BCAP29: variants seen among roughly 807,000 people sequenced by gnomAD.
The protein encoded by BCAP29 is B cell receptor associated protein 29, also known as B-cell receptor-associated protein 29.
BCAP29 carries 34 observed loss-of-function variants against 31.8 expected under a neutral mutation model. The observed-to-expected ratio is 1.07, with a 90% CI of 0.81 to 1.42. The LOEUF is 1.42. BCAP29 is among the 40% of genes most tolerant of loss of function. The pLI is 0.00. For synonymous variants in BCAP29, 104 were observed against 91.3 expected (o/e 1.14, Z -0.79); for missense variants, 314 against 269.2 (o/e 1.17, Z -1.16).
Position 107,613,397 on chromosome 7 carries a change from T to C in BCAP29, c.655T>C (p.Tyr219His). 1.2e-6 allele frequency: 2 copies of C among 1,612,810 alleles called. No individual in the cohort carries two copies. Among genetic ancestry groups the C allele is most frequent in the Non-Finnish European group, 1.7e-6 (2 of 1,178,930 alleles). Residue 219 changes from tyrosine to histidine, a missense_variant, in exon 7 of 8, where the codon TAT becomes CAT. Tyr to His is a moderately conservative substitution (Grantham distance 83). Transcript: ENST00000005259. ...KMQSERLSKE[Y>H]DQLLKEHSEL... The stretch of plus-strand genomic sequence containing the variant: ...GCAGTCAGAGAGACTTTCGAAAGAA[T>C]ATGATCAACTCCTGAAAGAACACTC...
intron 3 of BCAP29, among the ~76,000 whole-genome samples, chr7:107,585,008 A>C (rs1807376977): frequency 6.6e-6 from 1 of 152,192 alleles, no homozygotes; most frequent in Admixed American, 6.5e-5. Context: ...GTTCTTGTCA[A>C]ACCAGAAGTT....
chr7:107,602,464 G>A (rs2894466), intron 6 of BCAP29, among the ~76,000 whole-genome samples: 115,909 of 151,950 alleles, frequency 0.76, 44,792 homozygotes, highest in African/African-American at 0.9. Flanking sequence ...ACTCAAAAAT[G>A]TTCATTGATT....
At chr7:107,600,209 T>G in intron 5 of BCAP29, 188 bp from the exon 6 acceptor site, 1 of 621,506 alleles carries the variant, frequency 1.6e-6, no homozygotes, top group Non-Finnish European at 2.9e-6. Context: ...GAAATCTTTT[T>G]TGTGTGTTTC....
chr7:107,580,752 C>T lies in BCAP29; in HGVS notation c.-14-7C>T, dbSNP rs368903509. ...AAGCAAGAGAAAATAAGTGTTTTTC[C>T]ATTTAGGTGTGAAGAAAAAAATGAC... On this transcript the variant is annotated splice_region_variant and splice_polypyrimidine_tract_variant and intron_variant, in intron 1 of 7. Coordinates refer to ENST00000005259, the MANE Select transcript of BCAP29 (RefSeq NM_018844.4). 2 of 1,567,030 alleles carry T rather than the reference C, an allele frequency of 1.3e-6. No individual in the cohort carries two copies. Among genetic ancestry groups the T allele is most frequent in the African/African-American group, 2.8e-5 (2 of 72,368 alleles).
chr7:107,600,192 A>G (rs892180408), intron 5 of BCAP29: 3 of 592,330 alleles, frequency 5.1e-6, no homozygotes, highest in Admixed American at 2.6e-5. Context: ...AGATTTTGCC[A>G]TAATAGGAAA....
intron 6 of BCAP29, among the ~76,000 whole-genome samples, chr7:107,610,770 C>T (rs933673826): frequency 6.6e-6 from 1 of 152,124 alleles, no homozygotes; most frequent in Non-Finnish European, 1.5e-5. Context: ...AAGTGGTTTT[C>T]TAGCTTCTTT....
downstream of BCAP29, chr7:107,620,543 T>C (rs1814864825): frequency 6.6e-6 from 1 of 152,236 alleles, no homozygotes; most frequent in South Asian, 2.1e-4. Flanking sequence ...TGTCTTAGGC[T>C]GTATTATAAA....
chr7:107,581,743 A>G (rs1249273699), intron 2 of BCAP29, among the ~76,000 whole-genome samples: 1 of 152,158 alleles, frequency 6.6e-6, no homozygotes, highest in Admixed American at 6.5e-5. Flanking sequence ...CAGGGTCCAG[A>G]TAGTCTTTCA....
At chr7:107,598,428 A>G (rs901278113) in intron 5 of BCAP29, among the ~76,000 whole-genome samples, 4 of 152,154 alleles carry the variant, frequency 2.6e-5, no homozygotes, top group African/African-American at 9.7e-5. Context: ...ATTATATAAT[A>G]TATGCATTAG....
At chr7:107,605,274 C>T (rs773066846) in intron 6 of BCAP29, among the ~76,000 whole-genome samples, 45 of 152,126 alleles carry the variant, frequency 3.0e-4, no homozygotes, top group Non-Finnish European at 6.0e-4. Flanking sequence ...GCAAACATAA[C>T]GATATCTACC....
Position 107,583,874 on chromosome 7 carries a change from CT to C in BCAP29, c.93-5del. The C allele has an allele frequency of 6.7e-7, 1 of 1,490,286 alleles. No individual in the cohort carries two copies. Among genetic ancestry groups the C allele is most frequent in the Admixed American group, 1.9e-5 (1 of 51,828 alleles). 92.3% of individuals were successfully genotyped at this position (1,490,286 alleles called of 1,614,324 possible). A position where few individuals can be genotyped will look rare whatever the true frequency, so the allele number is the denominator to read the frequency against. ...TTTTATACCTAATATAATTGTATTG[CT>C]TTACAGATGGCAGAAGATTTTTTCA... On this transcript the variant is annotated splice_polypyrimidine_tract_variant and splice_region_variant and intron_variant, in intron 2 of 7. Coordinates refer to ENST00000005259, the MANE Select transcript of BCAP29 (RefSeq NM_018844.4).
chr7:107,591,841 G>T (rs1009811552), intron 3 of BCAP29, among the ~76,000 whole-genome samples: 1 of 152,042 alleles, frequency 6.6e-6, no homozygotes, highest in African/African-American at 2.4e-5. Context: ...AGGCCTGGCA[G>T]AACCAATCAA....
Position 107,613,313 on chromosome 7 carries a change from A to G in BCAP29, c.590-19A>G, listed in dbSNP as rs112535506. 0.012 allele frequency: 18,097 copies of G among 1,538,640 alleles called. 123 individuals are homozygous for G. Among genetic ancestry groups the G allele is most frequent in the Non-Finnish European group, 0.015 (16,648 of 1,121,476 alleles). On this transcript the variant is annotated intron_variant, in intron 6 of 7. Coordinates refer to ENST00000005259, the MANE Select transcript of BCAP29 (RefSeq NM_018844.4). ...GAAATTATTCTGAAATAAAAATAAA[A>G]CTATTCGATATTTTCTAGCCCTTTC...
At chr7:107,590,833 A>G (rs2894465) in intron 3 of BCAP29, among the ~76,000 whole-genome samples, 74,594 of 137,634 alleles carry the variant, frequency 0.54, 21,161 homozygotes, top group African/African-American at 0.73. Context: ...AAAAAAAAAA[A>G]AAAGAAAGAA....
chr7:107,613,553 A>G, intron 7 of BCAP29, 121 bp downstream of exon 7: 8 of 1,359,806 alleles, frequency 5.9e-6, no homozygotes, highest in Non-Finnish European at 8.2e-6. Context: ...GCTTTGTTAA[A>G]CGATTTAAAG....
chr7:107,594,915 C>G (rs1809540947), intron 4 of BCAP29, among the ~76,000 whole-genome samples: 1 of 152,132 alleles, frequency 6.6e-6, no homozygotes, highest in Non-Finnish European at 1.5e-5. Context: ...AATGATTAGG[C>G]TCCTGCCTCT....
chr7:107,623,024 G>A (rs1322647317), downstream of BCAP29: 4 of 152,158 alleles, frequency 2.6e-5, no homozygotes, highest in South Asian at 4.2e-4. Flanking sequence ...CTGTCATGTG[G>A]GGCCAGTTTC....
At chr7:107,604,396 A>G (rs772637402) in intron 6 of BCAP29, among the ~76,000 whole-genome samples, 1 of 152,230 alleles carries the variant, frequency 6.6e-6, no homozygotes, top group Non-Finnish European at 1.5e-5. Context: ...GCTGATCTGT[A>G]TACCCAAAAC....
In BCAP29 at chr7:107,613,347, A is replaced by C; in HGVS notation, c.605A>C (p.Gln202Pro). ...RKTSDALSKA[Q>P]NDVMEMKMQS... ...TATTTTCTAGCCCTTTCTAAGGCAC[A>C]AAATGATGTGATGGAAATGAAGATG... The change falls in exon 7 of 8, where the codon CAA becomes CCA. Residue 202 changes from glutamine (Q) to proline (P), a missense_variant. Transcript: ENST00000005259. 6.2e-7 allele frequency: 1 copy of C among 1,610,178 alleles called. No homozygotes were observed. The highest frequency in any genetic ancestry group is 8.5e-7 in the Non-Finnish European group (1 of 1,177,208).
Sources: gnomAD v4.1 joint callset for allele counts (sites outside exome capture counted in the v4.1 genomes callset) on GRCh38, gnomAD v4.1.1 for gene constraint, MANE v1.5 for transcripts, NCBI Gene and HGNC (gene_info 2026-07-23, HGNC 2026-07-21) for gene names.